Variants in GALNT18 observed in about 807,000 individuals in gnomAD.
GALNT18 encodes GalNAc-transferase 18.
Under a neutral mutation model 69.5 loss-of-function variants are expected in GALNT18, and 44 were observed. The observed-to-expected ratio is 0.63, with a 90% CI of 0.50 to 0.81. The LOEUF (loss-of-function observed/expected upper bound fraction) is 0.81. GALNT18 is among the 40% of genes least tolerant of loss of function. GALNT18 has a pLI of 0.00. For synonymous variants in GALNT18, 364 were observed against 318.2 expected (o/e 1.14, Z -1.53); for missense variants, 715 against 810.0 (o/e 0.88, Z 1.42).
At chr11:11,370,949 T>C (rs1013930820) in intron 6 of GALNT18, among the ~76,000 whole-genome samples, 10 of 152,164 alleles carry the variant, frequency 6.6e-5, no homozygotes, top group African/African-American at 9.7e-5. Context: ...TGAAATGAGA[T>C]GGTGAGGATA....
chr11:11,608,071 T>A (rs1859796692), intron 1 of GALNT18, among the ~76,000 whole-genome samples: 1 of 152,204 alleles, frequency 6.6e-6, no homozygotes, highest in Admixed American at 6.5e-5. Context: ...ACTTCCAACA[T>A]GTCTCAGCTG....
In GALNT18 at chr11:11,616,355, G is replaced by C. The variant is rs1336121095; in HGVS notation, c.235+5004C>G. ...CATGACTTTGGTACAATAAGACACT[G>C]TTGGTGGCTGTAAAGAAAGCCTTTC... is the stretch of plus-strand genomic sequence containing the variant. On this transcript the variant is annotated intron_variant, in intron 1 of 10. Transcript: ENST00000227756. This position sits in a 1 kb window ranked among gnomAD's most constrained non-coding sequence, Gnocchi z 4.4. Among the ~76,000 whole-genome samples the C allele has an allele frequency of 6.6e-6, 1 of 152,184 alleles. No homozygotes were observed. Among genetic ancestry groups the C allele is most frequent in the African/African-American group, 2.4e-5 (1 of 41,452 alleles).
intron 3 of GALNT18, among the ~76,000 whole-genome samples, chr11:11,427,662 AAG>A (rs141293348): frequency 0.011 from 1,658 of 152,268 alleles, 37 homozygotes; most frequent in African/African-American, 0.038. Context: ...CAAAGTCAGA[AAG>A]AGCTGGAATG....
At chr11:11,351,974 A>G in intron 6 of GALNT18, 2 of 1,608,484 alleles carry the variant, frequency 1.2e-6, no homozygotes, top group South Asian at 2.2e-5. Context: ...CAGCTGGAAC[A>G]GGCATCCCAA....
At chr11:11,431,484 C>A (rs1855263031) in intron 3 of GALNT18, among the ~76,000 whole-genome samples, 1 of 152,138 alleles carries the variant, frequency 6.6e-6, no homozygotes, top group Non-Finnish European at 1.5e-5. Flanking sequence ...CTATTTGCAT[C>A]CTCGATGCCT....
At chr11:11,351,714 A>G (rs1850406811) in intron 6 of GALNT18, among the ~76,000 whole-genome samples, 1 of 152,092 alleles carries the variant, frequency 6.6e-6, no homozygotes, top group South Asian at 2.1e-4. Context: ...GTGCTGCCAG[A>G]GAATGACAAT....
chr11:11,334,103 G>A (rs1590043536), intron 7 of GALNT18, among the ~76,000 whole-genome samples: 1 of 152,220 alleles, frequency 6.6e-6, no homozygotes, highest in Non-Finnish European at 1.5e-5. Flanking sequence ...TGAATCCCTG[G>A]TTCAAACATC....
chr11:11,444,260 C>T lies in GALNT18; in HGVS notation c.428+4484G>A, dbSNP rs993430056. ...GCCTTGCAGATGCCACCCTCCAGGC[C>T]CTGCCTCCCTGCCACAGAGGCACCA... On this transcript the variant is annotated intron_variant, in intron 2 of 10. Coordinates refer to ENST00000227756, the MANE Select transcript of GALNT18 (RefSeq NM_198516.3). This position sits in a 1 kb window ranked among gnomAD's most constrained non-coding sequence, Gnocchi z 4.4. Among the ~76,000 whole-genome samples the T allele has an allele frequency of 6.6e-6, 1 of 152,078 alleles. No homozygotes were observed.
At chr11:11,553,735 C>T (rs1048459637) in intron 1 of GALNT18, among the ~76,000 whole-genome samples, 1 of 152,278 alleles carries the variant, frequency 6.6e-6, no homozygotes, top group South Asian at 2.1e-4. Flanking sequence ...TAACCAGCTG[C>T]CCCCGGGAGC....
At chr11:11,554,117 G>C (rs568219512) in intron 1 of GALNT18, among the ~76,000 whole-genome samples, 1 of 152,186 alleles carries the variant, frequency 6.6e-6, no homozygotes, top group Non-Finnish European at 1.5e-5. Context: ...TCCCTCCGCT[G>C]ACTGGCGGCT....
At chr11:11,464,005 G>A (rs1451429193) in intron 1 of GALNT18, among the ~76,000 whole-genome samples, 1 of 152,160 alleles carries the variant, frequency 6.6e-6, no homozygotes, top group Admixed American at 6.5e-5. Flanking sequence ...AGAGGAAGGA[G>A]GCAGTCCCGG....
At position 11,606,494 on chromosome 11, in the gene GALNT18, A is replaced by T. The variant is rs186669319; in HGVS notation, c.235+14865T>A. Among the ~76,000 whole-genome samples the T allele has an allele frequency of 6.6e-6, 1 of 152,278 alleles. No individual in the cohort carries two copies. The highest frequency in any genetic ancestry group is 1.9e-4 in the East Asian group (1 of 5,182). On this transcript the variant is annotated intron_variant, in intron 1 of 10. Transcript: ENST00000227756. This position sits in a 1 kb window ranked among gnomAD's most constrained non-coding sequence, Gnocchi z 5.4. ...CTCTCTTTTTTCCTCTCCTTGACAT[A>T]AAATATCTGCCCCTCCTCTATCCGA...
intron 3 of GALNT18, among the ~76,000 whole-genome samples, chr11:11,391,201 T>C (rs56391407): frequency 0.17 from 26,003 of 152,252 alleles, 2,605 homozygotes; most frequent in East Asian, 0.48. Context: ...TCTGATTCAA[T>C]TTCCAACCCC....
chr11:11,491,782 G>A (rs910905597), intron 1 of GALNT18, among the ~76,000 whole-genome samples: 4 of 152,142 alleles, frequency 2.6e-5, no homozygotes, highest in Non-Finnish European at 4.4e-5. Flanking sequence ...CAAGTTGGCT[G>A]GCACAGTCTA....
At chr11:11,414,641 T>G (rs1271538349) in intron 3 of GALNT18, among the ~76,000 whole-genome samples, 2 of 152,206 alleles carry the variant, frequency 1.3e-5, no homozygotes, top group Non-Finnish European at 1.5e-5. Context: ...GCATTTATTA[T>G]GGCCTGTAAT....
At chr11:11,594,850 C>CAT (rs1565032725) in intron 1 of GALNT18, among the ~76,000 whole-genome samples, 1 of 50,492 alleles carries the variant, frequency 2.0e-5, no homozygotes, top group Non-Finnish European at 5.4e-5. Context: ...TACACATATA[C>CAT]ATACATACAC....
rs79032395 is a variant in GALNT18, at chr11:11,291,514, G to C, written c.1677+1515C>G. Among the ~76,000 whole-genome samples the C allele has an allele frequency of 6.8e-3, 1,022 of 150,484 alleles. 64 individuals are homozygous for C. The South Asian group carries it at 0.16, about 23-fold the overall frequency. On this transcript the variant is annotated intron_variant, in intron 10 of 10. Transcript: ENST00000227756. ...ATGAATGTTAGCTGTTATTCCTATT[G>C]GGATAGAACTTCACAGTTTACAGCA...
intron 3 of GALNT18, among the ~76,000 whole-genome samples, chr11:11,427,860 C>T (rs1386980965): frequency 1.3e-5 from 2 of 152,192 alleles, no homozygotes; most frequent in African/African-American, 4.8e-5. Flanking sequence ...CCACCTCATC[C>T]CCAGTGCCTC....
chr11:11,274,403 G>C (rs927633032), intron 10 of GALNT18, among the ~76,000 whole-genome samples: 2 of 152,150 alleles, frequency 1.3e-5, no homozygotes, highest in Non-Finnish European at 2.9e-5. Flanking sequence ...GGATCAGTGG[G>C]TCCCACTCCC....
Sources: allele counts gnomAD v4.1 joint callset (sites outside exome capture counted in the v4.1 genomes callset), GRCh38; gene constraint gnomAD v4.1.1; non-coding constraint Gnocchi (gnomAD v3.1); transcripts MANE v1.5; gene names NCBI Gene and HGNC (gene_info 2026-07-23, HGNC 2026-07-21).